The following CMSS1 variants were observed in gnomAD, a reference collection of about 807,000 sequenced individuals.
The protein encoded by CMSS1 is protein CMSS1.
Under a neutral mutation model 43.5 loss-of-function variants are expected in CMSS1, and 33 were observed. The observed-to-expected ratio is 0.76, with a 90% CI of 0.57 to 1.01. CMSS1 has a LOEUF of 1.01. Ranked by LOEUF, CMSS1 falls within the 50% of genes least tolerant of loss-of-function variation. The probability of loss-of-function intolerance (pLI) is 0.00; values close to 1 mark genes in which losing one functional copy is unlikely to be tolerated. For missense variants in CMSS1, 313 were observed against 326.4 expected (o/e 0.96, Z 0.32); for synonymous variants, 115 against 117.2 (o/e 0.98, Z 0.12).
intron 1 of CMSS1, among the ~76,000 whole-genome samples, chr3:100,043,581 A>G (rs1258216418): frequency 6.6e-6 from 1 of 152,174 alleles, no homozygotes; most frequent in Non-Finnish European, 1.5e-5. Context: ...CCATCTAACT[A>G]GCCATCCATT....
chr3:100,101,572 T>C (rs1206280944), intron 1 of CMSS1, among the ~76,000 whole-genome samples: 2 of 152,146 alleles, frequency 1.3e-5, no homozygotes, highest in African/African-American at 4.8e-5. Context: ...ACACATGCAC[T>C]CTCTGATCCA....
intron 1 of CMSS1, among the ~76,000 whole-genome samples, chr3:99,967,566 A>G (rs1332145962): frequency 6.6e-6 from 1 of 152,264 alleles, no homozygotes; most frequent in Middle Eastern, 3.4e-3. Context: ...GTGAGTCCCT[A>G]CACCTGGATG....
chr3:100,147,168 A>C, intron 2 of CMSS1, 107 bp downstream of exon 2: 4 of 1,204,600 alleles, frequency 3.3e-6, no homozygotes, highest in Non-Finnish European at 4.5e-6. Flanking sequence ...GGTGGGATTT[A>C]AGAGAGCCTT....
At chr3:100,003,544 A>G (rs1709903527) in intron 1 of CMSS1, among the ~76,000 whole-genome samples, 1 of 152,152 alleles carries the variant, frequency 6.6e-6, no homozygotes, top group Non-Finnish European at 1.5e-5. Flanking sequence ...GGCCCAGGTG[A>G]CTTAGCTAAT....
intron 1 of CMSS1, chr3:100,109,965 C>T (rs939350867): frequency 2.1e-5 from 3 of 142,308 alleles, no homozygotes; most frequent in African/African-American, 7.9e-5. Flanking sequence ...TACCCATACC[C>T]ACCCTTCAAA....
chr3:99,890,501 G>A (rs1352746649), intron 1 of CMSS1, among the ~76,000 whole-genome samples: 1 of 151,960 alleles, frequency 6.6e-6, no homozygotes, highest in Non-Finnish European at 1.5e-5. Context: ...ACACATGTTA[G>A]ACTTTCTTTA....
chr3:100,015,458 C>G (rs1710314280), intron 1 of CMSS1, among the ~76,000 whole-genome samples: 2 of 152,150 alleles, frequency 1.3e-5, no homozygotes, highest in Non-Finnish European at 2.9e-5. Context: ...ATTGAATCTA[C>G]AAATTGCTGT....
At chr3:100,050,204 TAAA>T (rs1026326148) in intron 1 of CMSS1, among the ~76,000 whole-genome samples, 22 of 152,158 alleles carry the variant, frequency 1.4e-4, no homozygotes, top group African/African-American at 5.3e-4. Context: ...GATCAATAAA[TAAA>T]AAGAAGAATC....
At chr3:99,959,482 A>T (rs1011422964) in intron 1 of CMSS1, among the ~76,000 whole-genome samples, 1 of 152,168 alleles carries the variant, frequency 6.6e-6, no homozygotes, top group Non-Finnish European at 1.5e-5. Context: ...TTTATTTTCT[A>T]TATAAATATT....
intron 1 of CMSS1, among the ~76,000 whole-genome samples, chr3:99,936,164 C>A (rs1259113960): frequency 6.6e-6 from 1 of 151,740 alleles, no homozygotes. Context: ...AAGTGAAAAG[C>A]CTCAAAAAAG....
At chr3:99,992,028 G>A (rs186385558) in intron 1 of CMSS1, among the ~76,000 whole-genome samples, 184 of 148,724 alleles carry the variant, frequency 1.2e-3, no homozygotes, top group Non-Finnish European at 2.3e-3. Flanking sequence ...ATATATATAC[G>A]TGTATATATA....
intron 1 of CMSS1, chr3:99,850,837 C>G (rs1943654478): frequency 6.2e-7 from 1 of 1,614,178 alleles, no homozygotes; most frequent in Admixed American, 1.7e-5. Flanking sequence ...CTCCTGAACT[C>G]TGGCTTCAGC....
chr3:100,019,526 G>C (rs2064767919), intron 1 of CMSS1, among the ~76,000 whole-genome samples: 1 of 152,092 alleles, frequency 6.6e-6, no homozygotes, highest in South Asian at 2.1e-4. Context: ...GATTTTTAAA[G>C]TAATTTTTTA....
chr3:99,901,873 G>A (rs755713296), intron 1 of CMSS1, among the ~76,000 whole-genome samples: 1 of 151,954 alleles, frequency 6.6e-6, no homozygotes, highest in Non-Finnish European at 1.5e-5. Context: ...TTTGTGAGTG[G>A]TACCACCTGC....
rs911776356 is a variant in CMSS1, at chr3:99,943,577, G to T, written c.64+125534G>T. 3.9e-5 allele frequency among the ~76,000 whole-genome samples: 6 copies of T among 152,092 alleles called. No individual in the cohort carries two copies. In the East Asian group the frequency reaches 1.2e-3, roughly 29 times the overall value. ...AAATTAGCCGGGCGTGGTGGCATGC[G>T]CCTGTAGTCCCAGCTACTCGGGAGG... On this transcript the variant is annotated intron_variant, in intron 1 of 9. Transcript: ENST00000421999.
intron 1 of CMSS1, chr3:99,833,128 T>G: frequency 1.1e-6 from 1 of 947,982 alleles, no homozygotes; most frequent in Non-Finnish European, 1.7e-6. Flanking sequence ...ATTAAGCAAG[T>G]TGGAAAGCTC....
intron 1 of CMSS1, among the ~76,000 whole-genome samples, chr3:100,011,481 G>A (rs1710155512): frequency 6.6e-6 from 1 of 152,078 alleles, no homozygotes; most frequent in Non-Finnish European, 1.5e-5. Context: ...AATGGAGTTG[G>A]ACTCCATTTT....
At chr3:99,970,348 G>A (rs866145046) in intron 1 of CMSS1, among the ~76,000 whole-genome samples, 1 of 152,348 alleles carries the variant, frequency 6.6e-6, no homozygotes, top group Middle Eastern at 3.4e-3. Context: ...AGGCCTTCTG[G>A]TGTGTGAGGT....
chr3:99,937,969 G>A (rs1707733202), intron 1 of CMSS1, among the ~76,000 whole-genome samples: 1 of 152,184 alleles, frequency 6.6e-6, no homozygotes, highest in South Asian at 2.1e-4. Context: ...AATTAAGGTG[G>A]AGACTCTCAT....
Sources: allele counts gnomAD v4.1 joint callset (sites outside exome capture counted in the v4.1 genomes callset), GRCh38; gene constraint gnomAD v4.1.1; transcripts MANE v1.5; gene names NCBI Gene and HGNC (gene_info 2026-07-23, HGNC 2026-07-21).